FTO: variants seen among roughly 807,000 people sequenced by gnomAD.
FTO encodes alpha-ketoglutarate-dependent dioxygenase FTO.
Under a neutral mutation model 63.9 loss-of-function variants are expected in FTO, and 47 were observed. That is an observed-to-expected ratio of 0.74 (90% confidence interval 0.58 to 0.94). FTO has a LOEUF of 0.94. Ranked by LOEUF, FTO falls within the 40% of genes least tolerant of loss-of-function variation. The probability of loss-of-function intolerance (pLI) is 0.00; values close to 1 mark genes in which losing one functional copy is unlikely to be tolerated. For missense variants in FTO, 562 were observed against 618.1 expected, an observed-to-expected ratio of 0.91 and a Z score of 0.96; for synonymous variants, 207 against 224.4, an observed-to-expected ratio of 0.92 and a Z score of 0.69.
chr16:53,748,558 A>G (rs1452591609), intron 1 of FTO, among the ~76,000 whole-genome samples: 3 of 152,036 alleles, frequency 2.0e-5, no homozygotes, highest in African/African-American at 7.2e-5. Flanking sequence ...AGGTTCAAGC[A>G]ATTCTCGTGC....
At chr16:53,815,851 G>A (rs901175362) in intron 2 of FTO, among the ~76,000 whole-genome samples, 1 of 147,658 alleles carries the variant, frequency 6.8e-6, no homozygotes, top group Non-Finnish European at 1.5e-5. Flanking sequence ...GTTTCGCCTT[G>A]TTGGCCAGGC....
At chr16:53,777,160 A>C (rs1034734295) in intron 1 of FTO, among the ~76,000 whole-genome samples, 1 of 152,152 alleles carries the variant, frequency 6.6e-6, no homozygotes, top group Non-Finnish European at 1.5e-5. Context: ...ACTAGAACTT[A>C]GGTCTCCTGT....
At chr16:53,996,340 G>A (rs1393681610) in intron 8 of FTO, among the ~76,000 whole-genome samples, 1 of 152,170 alleles carries the variant, frequency 6.6e-6, no homozygotes, top group Non-Finnish European at 1.5e-5. Flanking sequence ...AAACTATATG[G>A]AAGTCCTGAC....
In FTO at chr16:53,780,015, C is replaced by G. The variant is rs569793224; in HGVS notation, c.46-30125C>G. 6.6e-5 allele frequency among the ~76,000 whole-genome samples: 10 copies of G among 152,350 alleles called. No homozygotes were observed. The South Asian group carries it at 2.1e-3, about 32-fold the overall frequency. On this transcript the variant is annotated intron_variant, in intron 1 of 8. Coordinates refer to ENST00000471389, the MANE Select transcript of FTO (RefSeq NM_001080432.3). Reference sequence around the variant, plus strand: ...ACAGTCTTCTCCCTCTCATAATCCACTTTCCAGACATAAGTTGGATTTATT... The same window carrying G: ...ACAGTCTTCTCCCTCTCATAATCCAGTTTCCAGACATAAGTTGGATTTATT...
chr16:53,775,521 TAAC>T (rs1306808949), intron 1 of FTO, among the ~76,000 whole-genome samples: 3 of 152,140 alleles, frequency 2.0e-5, no homozygotes, highest in African/African-American at 7.2e-5. Context: ...GAACAACAAA[TAAC>T]AAACATCCTT....
intron 6 of FTO, among the ~76,000 whole-genome samples, chr16:53,884,555 G>A (rs1378428581): frequency 6.6e-6 from 1 of 152,166 alleles, no homozygotes; most frequent in Non-Finnish European, 1.5e-5. Context: ...TCATAAGGGA[G>A]CTCTATGGCT....
intron 8 of FTO, among the ~76,000 whole-genome samples, chr16:54,016,919 G>A (rs1236191312): frequency 1.3e-5 from 2 of 152,080 alleles, no homozygotes; most frequent in Non-Finnish European, 2.9e-5. Context: ...TCTCAAACCA[G>A]AGATTTATAT....
At chr16:53,928,344 T>C (rs2082198500) in intron 7 of FTO, among the ~76,000 whole-genome samples, 1 of 152,200 alleles carries the variant, frequency 6.6e-6, no homozygotes, top group Non-Finnish European at 1.5e-5. Context: ...GAATGTGTTT[T>C]TGGTAATAGG....
At chr16:54,060,726 G>A (rs1425371309) in intron 8 of FTO, among the ~76,000 whole-genome samples, 8 of 152,262 alleles carry the variant, frequency 5.3e-5, no homozygotes, top group South Asian at 2.1e-4. Flanking sequence ...ATACTGGGAC[G>A]CTAGTTTCAG....
chr16:54,117,939 G>T lies in FTO; in HGVS notation c.*6024G>T, dbSNP rs560054787. On this transcript the variant is annotated 3_prime_UTR_variant, in exon 9 of 9. Transcript: ENST00000471389. ...AATGATGCAGTTCATGACTTTGCTC[G>T]CATTTACTTTTCATCAATCCTGAAA... is the stretch of plus-strand genomic sequence containing the variant. 2.6e-5 allele frequency: 4 copies of T among 152,168 alleles called. No individual in the cohort carries two copies. In the South Asian group the frequency reaches 6.2e-4, roughly 24 times the overall value. 9.4% of individuals were successfully genotyped at this position (152,168 alleles called of 1,614,324 possible).
At chr16:53,786,039 G>A (rs1349204612) in intron 1 of FTO, among the ~76,000 whole-genome samples, 2 of 152,128 alleles carry the variant, frequency 1.3e-5, no homozygotes, top group African/African-American at 4.8e-5. Flanking sequence ...ACTTTTTAAA[G>A]GAGGTTGCTC....
chr16:53,811,679 C>G (rs1447501872), intron 2 of FTO, among the ~76,000 whole-genome samples: 1 of 152,158 alleles, frequency 6.6e-6, no homozygotes, highest in Non-Finnish European at 1.5e-5. Flanking sequence ...ACATTTTCAG[C>G]CTCATCTCCC....
intron 3 of FTO, among the ~76,000 whole-genome samples, chr16:53,835,310 C>T (rs866123953): frequency 3.3e-5 from 5 of 152,264 alleles, no homozygotes; most frequent in East Asian, 1.9e-4. Context: ...GAACTCCTCA[C>T]GTTCCTGCAT....
intron 8 of FTO, among the ~76,000 whole-genome samples, chr16:54,048,141 AAG>A (rs1491123675): frequency 1.4e-5 from 2 of 143,576 alleles, no homozygotes; most frequent in Non-Finnish European, 3.0e-5. Flanking sequence ...AAAAAAAAAA[AAG>A]AATTTCCCTA....
At chr16:54,086,235 T>C (rs2086252510) in intron 8 of FTO, among the ~76,000 whole-genome samples, 1 of 152,166 alleles carries the variant, frequency 6.6e-6, no homozygotes, top group Non-Finnish European at 1.5e-5. Flanking sequence ...AAAATAACCA[T>C]TTTTCTGCTC....
intron 1 of FTO, among the ~76,000 whole-genome samples, chr16:53,754,492 G>T (rs529942184): frequency 2.6e-5 from 4 of 152,320 alleles, no homozygotes; most frequent in African/African-American, 9.6e-5. Context: ...GCAAAAATTG[G>T]CCGGGCACGG....
intron 8 of FTO, among the ~76,000 whole-genome samples, chr16:53,982,466 G>A (rs116229804): frequency 7.7e-4 from 117 of 152,202 alleles, no homozygotes; most frequent in African/African-American, 2.4e-3. Flanking sequence ...TGTTATCATC[G>A]GAGGGGTTTC....
chr16:54,033,440 C>T (rs2084874874), intron 8 of FTO, among the ~76,000 whole-genome samples: 1 of 152,120 alleles, frequency 6.6e-6, no homozygotes, highest in Non-Finnish European at 1.5e-5. Context: ...TTTGTCAAAC[C>T]CTTTGCTTAG....
chr16:54,081,788 A>T (rs533465331), intron 8 of FTO, among the ~76,000 whole-genome samples: 34 of 152,318 alleles, frequency 2.2e-4, no homozygotes, highest in African/African-American at 8.2e-4. Context: ...TTAAATTTAT[A>T]TACAGTGGAA....
Sources: allele counts gnomAD v4.1 joint callset (sites outside exome capture counted in the v4.1 genomes callset), GRCh38; gene constraint gnomAD v4.1.1; transcripts MANE v1.5; gene names NCBI Gene and HGNC (gene_info 2026-07-23, HGNC 2026-07-21).